Variants in PRKAR2B observed in about 807,000 individuals in gnomAD.
PRKAR2B encodes cAMP-dependent protein kinase type II-beta regulatory subunit.
Under a neutral mutation model 49.9 loss-of-function variants are expected in PRKAR2B, and 14 were observed. The observed-to-expected ratio is 0.28, with a 90% confidence interval of 0.19 to 0.44. The LOEUF (loss-of-function observed/expected upper bound fraction) is 0.44, where lower values mean the gene tolerates loss of function less well. PRKAR2B is among the 20% of genes least tolerant of loss of function. The pLI is 1.00. For missense variants in PRKAR2B, 393 were observed against 537.9 expected (o/e 0.73, Z 2.67); for synonymous variants, 196 against 197.7 (o/e 0.99, Z 0.07).
At chr7:107,070,158 C>T in intron 1 of PRKAR2B, 123 bp from the exon 2 acceptor site, 2 of 563,184 alleles carry the variant, frequency 3.6e-6, no homozygotes, top group Non-Finnish European at 6.1e-6. Flanking sequence ...CATGGTATTT[C>T]CTCTTATTTA....
intron 1 of PRKAR2B, among the ~76,000 whole-genome samples, chr7:107,068,366 C>T (rs777730811): frequency 1.3e-5 from 2 of 152,136 alleles, no homozygotes; most frequent in African/African-American, 2.4e-5. Flanking sequence ...TTGCACTCTC[C>T]GTTCTGCATT....
intron 1 of PRKAR2B, among the ~76,000 whole-genome samples, chr7:107,053,451 A>G (rs1793847915): frequency 6.6e-6 from 1 of 151,972 alleles, no homozygotes; most frequent in East Asian, 1.9e-4. Context: ...TACCACTTAA[A>G]TTGATACTCT....
chr7:107,122,925 C>A (rs1795415194), intron 3 of PRKAR2B, among the ~76,000 whole-genome samples: 1 of 152,138 alleles, frequency 6.6e-6, no homozygotes, highest in Admixed American at 6.5e-5. Flanking sequence ...ATTAGAACTT[C>A]AGTTCTTTTC....
intron 1 of PRKAR2B, among the ~76,000 whole-genome samples, chr7:107,056,146 G>C (rs987457274): frequency 6.6e-6 from 1 of 152,168 alleles, no homozygotes; most frequent in Non-Finnish European, 1.5e-5. Context: ...CATTGTTTCT[G>C]AGGGCTCTGT....
chr7:107,091,645 A>C (rs1270323207), intron 2 of PRKAR2B: 1 of 152,188 alleles, frequency 6.6e-6, no homozygotes, highest in Non-Finnish European at 1.5e-5. Flanking sequence ...TGCATATAAC[A>C]TGGCGTCTAA....
chr7:107,111,100 C>T (rs936380621), intron 2 of PRKAR2B, among the ~76,000 whole-genome samples: 10 of 152,282 alleles, frequency 6.6e-5, no homozygotes, highest in Non-Finnish European at 1.3e-4. Context: ...AAGAGCCCTC[C>T]CTAAGGGAAC....
At chr7:107,090,123 G>A (rs545857242) in intron 2 of PRKAR2B, among the ~76,000 whole-genome samples, 1 of 152,156 alleles carries the variant, frequency 6.6e-6, no homozygotes, top group African/African-American at 2.4e-5. Context: ...TGAAAAGGGG[G>A]TTTATTGAGA....
At chr7:107,156,754 C>T (rs371338338) in intron 8 of PRKAR2B, among the ~76,000 whole-genome samples, 138 of 151,192 alleles carry the variant, frequency 9.1e-4, no homozygotes, top group Non-Finnish European at 1.6e-3. Flanking sequence ...TGTAGTGAGC[C>T]GAGATCGCGC....
intron 10 of PRKAR2B, among the ~76,000 whole-genome samples, chr7:107,158,746 T>A (rs1033058371): frequency 2.0e-5 from 3 of 152,218 alleles, no homozygotes; most frequent in African/African-American, 7.2e-5. Flanking sequence ...AGCAGTGCCA[T>A]AATGCCCATT....
In PRKAR2B at chr7:107,161,441, A is replaced by G. The variant is rs1266026949; in HGVS notation, c.*1859A>G. The stretch of plus-strand genomic sequence containing the variant: ...CAAGGCTATAAATGCCACGTACATT[A>G]TTTTCAGTATTGTTGGTTATATTTA... On this transcript the variant is annotated 3_prime_UTR_variant, in exon 11 of 11. Coordinates refer to ENST00000265717, the MANE Select transcript of PRKAR2B (RefSeq NM_002736.3). 6.6e-6 allele frequency: 1 copy of G among 152,618 alleles called. No individual in the cohort carries two copies. The highest frequency in any genetic ancestry group is 2.4e-5 in the African/African-American group (1 of 41,452). The allele number at this position is 152,618 out of a possible 1,614,324, so 9.5% of individuals were successfully genotyped here.
At chr7:107,142,771 GTT>G (rs796487348) in intron 5 of PRKAR2B, among the ~76,000 whole-genome samples, 3 of 145,856 alleles carry the variant, frequency 2.1e-5, no homozygotes, top group African/African-American at 7.5e-5. Flanking sequence ...TTTTTTGTTT[GTT>G]TTTTTTTTTT....
At chr7:107,124,609 G>T (rs1795451714) in intron 3 of PRKAR2B, among the ~76,000 whole-genome samples, 1 of 152,100 alleles carries the variant, frequency 6.6e-6, no homozygotes. Context: ...TAGTAGAGAT[G>T]GGGTTTCGCC....
Position 107,153,220 on chromosome 7 carries a change from T to G in PRKAR2B, c.887T>G (p.Val296Gly), listed in dbSNP as rs143772610. The part of the protein sequence containing the change: ...LKVVDVIGTK[V>G]YNDGEQIIAQ... ...GTAGTAGATGTGATAGGCACCAAAG[T>G]ATACAACGATGGAGAACAAATCATT... The change falls in exon 8 of 11, where the codon GTA (valine) becomes GGA (glycine). Residue 296 changes from valine to glycine, a missense_variant. Transcript: ENST00000265717. 6.2e-7 allele frequency: 1 copy of G among 1,609,314 alleles called. No homozygotes were observed. The highest frequency in any genetic ancestry group is 1.3e-5 in the African/African-American group (1 of 74,744).
intron 1 of PRKAR2B, among the ~76,000 whole-genome samples, chr7:107,058,790 T>C (rs1015252623): frequency 6.6e-6 from 1 of 152,238 alleles, no homozygotes; most frequent in Non-Finnish European, 1.5e-5. Context: ...CATTTTGAAC[T>C]AATTTGGTTG....
Position 107,045,148 on chromosome 7 carries a change from A to C in PRKAR2B, c.241A>C (p.Met81Leu), listed in dbSNP as rs1379502463. 6.6e-7 allele frequency: 1 copy of C among 1,510,770 alleles called. No individual in the cohort carries two copies. The allele number at this position is 1,510,770 out of a possible 1,614,324, so 93.6% of individuals were successfully genotyped here. The change falls in exon 1 of 11, where the codon ATG becomes CTG. Residue 81 changes from methionine (M) to leucine (L), a missense_variant. Physicochemically the swap from Met to Leu is conservative, Grantham distance 15 (BLOSUM62 2). Around this residue, in one of 2 missense-constraint regions of PRKAR2B, gnomAD observed 160 missense variants for 147.6 expected, o/e 1.08. Transcript: ENST00000265717. The part of the protein sequence containing the change: ...SKGVNFAEEP[M>L]QSDSEDGEEE... ...GGGGGTCAACTTCGCCGAGGAGCCC[A>C]TGCAGTCCGACTCCGAGGACGGGGA...
intron 2 of PRKAR2B, among the ~76,000 whole-genome samples, chr7:107,105,607 T>G (rs10245956): frequency 0.032 from 4,874 of 152,280 alleles, 265 homozygotes; most frequent in African/African-American, 0.11. Flanking sequence ...CTGAGGCTCC[T>G]CTGTGGAGAT....
At chr7:107,090,831 T>C (rs553358585) in intron 2 of PRKAR2B, among the ~76,000 whole-genome samples, 12 of 152,200 alleles carry the variant, frequency 7.9e-5, no homozygotes, top group Non-Finnish European at 1.5e-4. Flanking sequence ...ATACTTAACA[T>C]AGAATGACAG....
chr7:107,082,626 C>T (rs899098737), intron 2 of PRKAR2B, among the ~76,000 whole-genome samples: 2 of 152,126 alleles, frequency 1.3e-5, no homozygotes, highest in South Asian at 4.1e-4. Context: ...GATGGAGTCT[C>T]GCTCTGTCGC....
At chr7:107,124,750 A>G (rs958585028) in intron 3 of PRKAR2B, among the ~76,000 whole-genome samples, 3 of 152,072 alleles carry the variant, frequency 2.0e-5, no homozygotes, top group Non-Finnish European at 4.4e-5. Flanking sequence ...GAAAATGTCT[A>G]AGTTAAAACC....
Sources: allele counts gnomAD v4.1 joint callset (sites outside exome capture counted in the v4.1 genomes callset), GRCh38; gene constraint gnomAD v4.1.1; regional missense constraint gnomAD v4.1.1; transcripts MANE v1.5; gene names NCBI Gene and HGNC (gene_info 2026-07-23, HGNC 2026-07-21).